The following METTL13 variants were observed in gnomAD, a reference collection of about 807,000 sequenced individuals.
METTL13 encodes the protein eEF1A lysine and N-terminal methyltransferase.
METTL13 carries 52 observed loss-of-function variants against 67.4 expected under a neutral mutation model. The observed-to-expected ratio is 0.77, with a 90% CI of 0.62 to 0.97. METTL13 has a LOEUF of 0.97. Among genes scored for constraint, METTL13 ranks in the 50% least tolerant of loss-of-function variants. The probability of loss-of-function intolerance (pLI) is 0.00; values close to 1 mark genes in which losing one functional copy is unlikely to be tolerated. For missense variants in METTL13, 825 were observed against 889.6 expected, an observed-to-expected ratio of 0.93 and a Z score of 0.92; for synonymous variants, 354 against 353.6, an observed-to-expected ratio of 1.00 and a Z score of -0.01.
chr1:171,786,201 G>T, intron 3 of METTL13, 123 bp downstream of exon 3: 2 of 1,079,316 alleles, frequency 1.9e-6, no homozygotes, highest in Non-Finnish European at 2.6e-6. Context: ...TCCTGGAGGG[G>T]TATCAGCAGC....
Position 171,792,051 on chromosome 1 carries a change from C to G in METTL13, c.1509C>G (p.Gly503=), listed in dbSNP as rs2232822. The part of the protein sequence containing the change: ...IPLALLVVGL[G]GGSLPLFVHD... ...TGGCATTGTTGGTGGTAGGCCTGGG[C>G]GGGGGCAGCCTCCCCCTCTTTGTCC... The change falls in exon 6 of 8, where the codon GGC becomes GGG. Residue 503 remains glycine, a synonymous_variant. Transcript: ENST00000361735. The G allele has an allele frequency of 3.7e-6, 6 of 1,612,852 alleles. No individual in the cohort carries two copies. Among genetic ancestry groups the G allele is most frequent in the Non-Finnish European group, 5.1e-6 (6 of 1,180,022 alleles).
chr1:171,784,552 G>GGGGCTT, intron 2 of METTL13, 53 bp downstream of exon 2: 2 of 1,446,286 alleles, frequency 1.4e-6, no homozygotes, highest in Non-Finnish European at 1.8e-6. Context: ...TACAGGGGCT[G>GGGGCTT]GGGCTTGGGC....
At chr1:171,793,311 T>C (rs1315729412) in intron 6 of METTL13, among the ~76,000 whole-genome samples, 1 of 152,270 alleles carries the variant, frequency 6.6e-6, no homozygotes, top group Non-Finnish European at 1.5e-5. Context: ...CCCAGATAGC[T>C]AATACGGTGA....
chr1:171,784,384 G>T lies in METTL13; in HGVS notation c.798G>T (p.Gly266=), dbSNP rs763068747. Residue 266 remains glycine, a synonymous_variant, in exon 2 of 8, where the codon GGG becomes GGT. Coordinates refer to ENST00000361735, the MANE Select transcript of METTL13 (RefSeq NM_015935.5). The part of the protein sequence containing the change: ...CSQLRRKARL[G]SVSLDLCDGD... Reference sequence around the variant, plus strand: ...AGCTGCGCCGCAAGGCCAGGCTGGGGAGTGTGTCTCTGGACTTGTGCGATG... The same window carrying T: ...AGCTGCGCCGCAAGGCCAGGCTGGGTAGTGTGTCTCTGGACTTGTGCGATG... 6.4e-7 allele frequency: 1 copy of T among 1,568,604 alleles called. No homozygotes were observed. The highest frequency in any genetic ancestry group is 8.6e-7 in the Non-Finnish European group (1 of 1,157,230).
chr1:171,790,601 C>T lies in METTL13; in HGVS notation c.1459C>T (p.Pro487Ser), dbSNP rs1368981053. ...MIAGLALLRNPELLLEIPLAL... is the reference protein window; with the variant it reads ...MIAGLALLRNSELLLEIPLAL... ...CGCTGGCCTTGCCCTGCTGAGAAACCCAGAGCTACTCCTAGGTGAGAGAGA... is the reference window on the plus strand; with the variant it reads ...CGCTGGCCTTGCCCTGCTGAGAAACTCAGAGCTACTCCTAGGTGAGAGAGA... The change falls in exon 5 of 8, where the codon CCA becomes TCA. Residue 487 changes from proline to serine, a missense_variant. Coordinates refer to ENST00000361735, the MANE Select transcript of METTL13 (RefSeq NM_015935.5). 6.4e-7 allele frequency: 1 copy of T among 1,571,248 alleles called. No individual in the cohort carries two copies. Among genetic ancestry groups the T allele is most frequent in the Admixed American group, 1.9e-5 (1 of 51,556 alleles).
intron 3 of METTL13, among the ~76,000 whole-genome samples, chr1:171,787,033 A>T (rs982971604): frequency 2.6e-5 from 4 of 152,030 alleles, no homozygotes; most frequent in African/African-American, 7.2e-5. Flanking sequence ...GATGAATGTA[A>T]GTTTGATTCT....
rs1656992994 is a variant in METTL13, at chr1:171,785,939, C to T, written c.974C>T (p.Ala325Val). Residue 325 changes from alanine (A) to valine (V), a missense_variant, in exon 3 of 8, where the codon GCG (alanine) becomes GTG (valine). Coordinates refer to ENST00000361735, the MANE Select transcript of METTL13 (RefSeq NM_015935.5). The part of the protein sequence containing the change: ...FGMDEGRKQL[A>V]ASAGFRRLIT... ...ATGGATGAGGGCCGGAAACAGCTGGCGGCCAGTGCTGGCTTCAGGAGGTTG... is the reference window on the plus strand; with the variant it reads ...ATGGATGAGGGCCGGAAACAGCTGGTGGCCAGTGCTGGCTTCAGGAGGTTG... 20 of 1,613,616 alleles carry T rather than the reference C, an allele frequency of 1.2e-5. No individual in the cohort carries two copies. Among genetic ancestry groups the T allele is most frequent in the Non-Finnish European group, 1.7e-5 (20 of 1,179,968 alleles).
intron 7 of METTL13, among the ~76,000 whole-genome samples, 176 bp from the exon 8 acceptor site, chr1:171,796,306 A>G (rs1342486846): frequency 6.6e-6 from 1 of 152,172 alleles, no homozygotes; most frequent in Non-Finnish European, 1.5e-5. Context: ...CATGCTCCCC[A>G]TGCTTTTCTC....
At chr1:171,792,302 G>A (rs1283269373) in intron 6 of METTL13, 67 bp downstream of exon 6, 1 of 1,568,922 alleles carries the variant, frequency 6.4e-7, no homozygotes, top group Non-Finnish European at 8.7e-7. Context: ...AGGCCCGCAA[G>A]GGCCTCTACA....
At chr1:171,784,538 G>C in intron 2 of METTL13, 39 bp downstream of exon 2, 4 of 1,462,666 alleles carry the variant, frequency 2.7e-6, no homozygotes, top group Non-Finnish European at 3.6e-6. Context: ...TGGAGGGGCT[G>C]GCTTACAGGG....
chr1:171,786,818 C>G (rs1441584066), intron 3 of METTL13, among the ~76,000 whole-genome samples: 1 of 152,070 alleles, frequency 6.6e-6, no homozygotes, highest in Admixed American at 6.5e-5. Context: ...TAGGTGCAAG[C>G]CACCATACCT....
At position 171,787,869 on chromosome 1, in the gene METTL13, C is replaced by T. The variant is rs868634293; in HGVS notation, c.1248C>T (p.Phe416=). ...AGCGATACTTCCGTCGACTGATCTTCCTCAGCAACAGGAATGTGGTGCAGT... is the reference window on the plus strand; with the variant it reads ...AGCGATACTTCCGTCGACTGATCTTTCTCAGCAACAGGAATGTGGTGCAGT... ...DDKRYFRRLI[F]LSNRNVVQSE... The change falls in exon 4 of 8, where the codon TTC becomes TTT. Residue 416 remains phenylalanine (F), a synonymous_variant. Coordinates refer to ENST00000361735, the MANE Select transcript of METTL13 (RefSeq NM_015935.5). 6.8e-6 allele frequency: 11 copies of T among 1,614,006 alleles called. No homozygotes were observed. In the Middle Eastern group the frequency reaches 4.9e-4, roughly 73 times the overall value.
At chr1:171,787,203 TA>T (rs1414546454) in intron 3 of METTL13, among the ~76,000 whole-genome samples, 10 of 151,658 alleles carry the variant, frequency 6.6e-5, no homozygotes, top group East Asian at 1.9e-4. Context: ...GAAATAAAGA[TA>T]GGGGGAAGGA....
chr1:171,782,669 A>C (rs1359732939), intron 1 of METTL13, among the ~76,000 whole-genome samples: 3 of 152,136 alleles, frequency 2.0e-5, no homozygotes. Context: ...CCCATCTTGA[A>C]AGTATGTTCT....
chr1:171,792,117 C>T lies in METTL13; in HGVS notation c.1575C>T (p.Ile525=), dbSNP rs774592620. 9.9e-6 allele frequency: 16 copies of T among 1,613,990 alleles called. 1 individual carries two copies. Among genetic ancestry groups the T allele is most frequent in the South Asian group, 5.5e-5 (5 of 91,084 alleles). Residue 525 remains isoleucine (I), a synonymous_variant, in exon 6 of 8, where the codon ATC becomes ATT. Transcript: ENST00000361735. ...FPKSCIDAVE[I]DPSMLEVATQ... is the part of the protein sequence containing the mutation. ...AGTCCTGCATTGATGCTGTGGAGAT[C>T]GATCCCTCCATGTTGGAAGTGGCCA...
rs757179661 is a variant in METTL13 at position 171,784,092 on chromosome 1, A to G, written c.506A>G (p.Lys169Arg). The part of the protein sequence containing the change: ...ISLAQAHILK[K>R]AVGHFSREGW... ...CTGGCTCAGGCTCACATCCTGAAGA[A>G]AGCAGTGGGCCACTTCTCCCGGGAG... The change falls in exon 2 of 8, where the codon AAA (lysine) becomes AGA (arginine). Residue 169 changes from lysine to arginine, a missense_variant. Transcript: ENST00000361735. 2 of 1,614,184 alleles carry G rather than the reference A, an allele frequency of 1.2e-6. No homozygotes were observed. The highest frequency in any genetic ancestry group is 4.5e-5 in the East Asian group (2 of 44,878).
At chr1:171,784,780 G>A (rs1656955809) in intron 2 of METTL13, among the ~76,000 whole-genome samples, 1 of 152,218 alleles carries the variant, frequency 6.6e-6, no homozygotes, top group African/African-American at 2.4e-5. Flanking sequence ...AGGGAAGAGA[G>A]AGAATAGAGA....
In METTL13 at chr1:171,781,670, G is replaced by A. The variant is rs1656819451; in HGVS notation, c.-298G>A. The A allele has an allele frequency of 8.6e-6, 7 of 813,622 alleles. No homozygotes were observed. The highest frequency in any genetic ancestry group is 1.1e-5 in the Non-Finnish European group (7 of 616,518). 50.4% of individuals were successfully genotyped at this position (813,622 alleles called of 1,614,324 possible). A position where few individuals can be genotyped will look rare whatever the true frequency, so the allele number is the denominator to read the frequency against. On this transcript the variant is annotated 5_prime_UTR_variant, in exon 1 of 8. It removes an upstream start codon present in the reference 5' UTR. Transcript: ENST00000361735. ...ATCACGAGGCTTCGCACCCGGATAT[G>A]GTTATGGGCTCGGAAATCTAGTTCG...
At position 171,784,033 on chromosome 1, in the gene METTL13, C is replaced by G; in HGVS notation, c.447C>G (p.Val149=). ...GGATGCTGGCTGAGGTTGGCCGTGT[C>G]CTGCAGGTGGGCGGTCGCTATCTCT... The part of the protein sequence containing the change: ...VDRMLAEVGR[V]LQVGGRYLCI... Residue 149 remains valine, a synonymous_variant, in exon 2 of 8, where the codon GTC becomes GTG. Coordinates refer to ENST00000361735, the MANE Select transcript of METTL13 (RefSeq NM_015935.5). The G allele has an allele frequency of 6.2e-7, 1 of 1,614,184 alleles. No individual in the cohort carries two copies. Among genetic ancestry groups the G allele is most frequent in the Admixed American group, 1.7e-5 (1 of 60,016 alleles).
Sources: gnomAD v4.1 joint callset for allele counts (sites outside exome capture counted in the v4.1 genomes callset) on GRCh38, gnomAD v4.1.1 for gene constraint, MANE v1.5 for transcripts, NCBI Gene and HGNC (gene_info 2026-07-23, HGNC 2026-07-21) for gene names.